Variants in CDC42SE2 observed in about 807,000 individuals in gnomAD.
The protein encoded by CDC42SE2 is CDC42 small effector protein 2.
In CDC42SE2, 3 loss-of-function variants were observed where a neutral mutation model predicts 11.5. The ratio of observed to expected loss-of-function variants is 0.26; its 90% CI spans 0.12 to 0.67. The LOEUF is 0.67. CDC42SE2 is among the 30% of genes least tolerant of loss of function. CDC42SE2 has a pLI of 0.80. For missense variants in CDC42SE2, 82 were observed against 106.8 expected, an observed-to-expected ratio of 0.77 and a Z score of 1.02; for synonymous variants, 33 against 34.8, an observed-to-expected ratio of 0.95 and a Z score of 0.18.
intron 1 of CDC42SE2, among the ~76,000 whole-genome samples, chr5:131,297,715 A>G (rs2149713782): frequency 6.6e-6 from 1 of 151,088 alleles, no homozygotes; most frequent in South Asian, 2.1e-4. Flanking sequence ...GCAAGACTCC[A>G]TTTCAAAAAT....
intron 1 of CDC42SE2, among the ~76,000 whole-genome samples, chr5:131,306,916 C>G (rs1339348026): frequency 6.6e-6 from 1 of 151,892 alleles, no homozygotes; most frequent in African/African-American, 2.4e-5. Flanking sequence ...TAAAGAAATG[C>G]TACTGATTTT....
At chr5:131,244,003 GA>G (rs1756559986), upstream of CDC42SE2, among the ~76,000 whole-genome samples, 1 of 152,130 alleles carries the variant, frequency 6.6e-6, no homozygotes, top group South Asian at 2.1e-4. Flanking sequence ...CAAAAGAATG[GA>G]AAAACTTTGA....
intron 2 of CDC42SE2, among the ~76,000 whole-genome samples, chr5:131,321,373 G>C (rs926950036): frequency 1.1e-4 from 17 of 152,122 alleles, no homozygotes; most frequent in African/African-American, 4.1e-4. Context: ...AAAAGTTACT[G>C]ATATTAGCTG....
At chr5:131,361,964 G>A (rs1377316780) in intron 3 of CDC42SE2, among the ~76,000 whole-genome samples, 1 of 152,142 alleles carries the variant, frequency 6.6e-6, no homozygotes, top group Non-Finnish European at 1.5e-5. Context: ...GGCTGTCTAT[G>A]TGTCTGCCTG....
At chr5:131,376,445 G>T (rs957542023) in intron 3 of CDC42SE2, among the ~76,000 whole-genome samples, 2 of 152,070 alleles carry the variant, frequency 1.3e-5, no homozygotes, top group Non-Finnish European at 2.9e-5. Flanking sequence ...TATCTTATAA[G>T]TACTCTTTAT....
chr5:131,221,615 A>C, the CDC42SE2 span, among the ~76,000 whole-genome samples: 3 of 152,306 alleles, frequency 2.0e-5, no homozygotes, highest in Admixed American at 6.5e-5. Flanking sequence ...AAACAAAACA[A>C]AATAAGTGGC....
chr5:131,297,655 G>A (rs1295211831), intron 1 of CDC42SE2, among the ~76,000 whole-genome samples: 1 of 152,060 alleles, frequency 6.6e-6, no homozygotes, highest in African/African-American at 2.4e-5. Context: ...GGGAGGCGGA[G>A]CTTGCAGTGA....
intron 1 of CDC42SE2, among the ~76,000 whole-genome samples, chr5:131,294,397 C>G (rs73249208): frequency 0.12 from 18,963 of 152,158 alleles, 2,765 homozygotes; most frequent in African/African-American, 0.35. Context: ...TTTCTGGGAT[C>G]AAATAAAACC....
rs1750777035 is a variant in CDC42SE2 at position 131,394,136 on chromosome 5, C to CATATCTCATTTTTAAAT, written c.*3046_*3062dup. On this transcript the variant is annotated 3_prime_UTR_variant, in exon 5 of 5. Transcript: ENST00000505065. ...AGAGGTCATTTGTTCCCCATAGCAG[C>CATATCTCATTTTTAAAT]ATATCTCATTTTTAAATTGAAGCGA... is the stretch of plus-strand genomic sequence containing the variant. 4.6e-5 allele frequency: 7 copies of CATATCTCATTTTTAAAT among 152,398 alleles called. No homozygotes were observed. Among genetic ancestry groups the CATATCTCATTTTTAAAT allele is most frequent in the Admixed American group, 4.6e-4 (7 of 15,296 alleles). 9.4% of individuals were successfully genotyped at this position (152,398 alleles called of 1,614,324 possible).
intron 1 of CDC42SE2, among the ~76,000 whole-genome samples, chr5:131,266,448 GCTTTTTTTTTT>G (rs1580720041): frequency 6.7e-6 from 1 of 148,300 alleles, no homozygotes; most frequent in African/African-American, 2.5e-5. Flanking sequence ...CCGGCTATTA[GCTTTTTTTTTT>G]CTTTTTTTTT....
At chr5:131,210,912 C>T in the CDC42SE2 span, among the ~76,000 whole-genome samples, 2 of 152,222 alleles carry the variant, frequency 1.3e-5, no homozygotes, top group African/African-American at 4.8e-5. Context: ...GATCTCAGCT[C>T]ACTGCAACCT....
At chr5:131,347,658 C>T (rs754495751) in intron 2 of CDC42SE2, among the ~76,000 whole-genome samples, 12 of 152,154 alleles carry the variant, frequency 7.9e-5, no homozygotes, top group Non-Finnish European at 1.3e-4. Flanking sequence ...ATGAGGTCAA[C>T]ATCATCCTGA....
Position 131,301,344 on chromosome 5 carries a change from A to T in CDC42SE2, c.-454-14632A>T, listed in dbSNP as rs575977415. 3.0e-4 allele frequency among the ~76,000 whole-genome samples: 45 copies of T among 152,324 alleles called. No homozygotes were observed. The South Asian group carries it at 9.1e-3, about 31-fold the overall frequency. ...AAAGGAGAATTATTGAATGTTCCCA[A>T]CACAAAGAAATGATAAATGTTTGAA... On this transcript the variant is annotated intron_variant, in intron 1 of 4. Transcript: ENST00000505065.
At chr5:131,250,619 A>G (rs956592874) in intron 1 of CDC42SE2, among the ~76,000 whole-genome samples, 22 of 152,218 alleles carry the variant, frequency 1.4e-4, no homozygotes, top group African/African-American at 5.1e-4. Flanking sequence ...TAGGTGGAGC[A>G]TAGGAGATTT....
In CDC42SE2 at chr5:131,374,561, C is replaced by T. The variant is rs888611008; in HGVS notation, c.55-10982C>T. Among the ~76,000 whole-genome samples, 22 of 143,180 alleles carry T rather than the reference C, an allele frequency of 1.5e-4. 1 individual carries two copies. Among genetic ancestry groups the T allele is most frequent in the Admixed American group, 8.4e-4 (12 of 14,352 alleles). The allele number at this position is 143,180 out of a possible 152,430, so 93.9% of individuals were successfully genotyped here. A position where few individuals can be genotyped will look rare whatever the true frequency, so the allele number is the denominator to read the frequency against. On this transcript the variant is annotated intron_variant, in intron 3 of 4. Coordinates refer to ENST00000505065, the MANE Select transcript of CDC42SE2 (RefSeq NM_001375635.1). ...AAAAAAAAAAAAAAAGTTAAGCAGA[C>T]ATTGTGTGTAAAATTTGTGACAGAA...
At chr5:131,311,163 G>T (rs1292995634) in intron 1 of CDC42SE2, among the ~76,000 whole-genome samples, 2 of 151,892 alleles carry the variant, frequency 1.3e-5, no homozygotes, top group Non-Finnish European at 2.9e-5. Flanking sequence ...CTCAGCATTT[G>T]CTTGTCTGTA....
chr5:131,309,858 T>C (rs1445478359), intron 1 of CDC42SE2, among the ~76,000 whole-genome samples: 1 of 152,158 alleles, frequency 6.6e-6, no homozygotes, highest in Admixed American at 6.5e-5. Context: ...TTAGTCTTGC[T>C]AGCGGTCTAT....
At chr5:131,342,052 T>TGCTC (rs1447320446) in intron 2 of CDC42SE2, among the ~76,000 whole-genome samples, 1 of 151,794 alleles carries the variant, frequency 6.6e-6, no homozygotes, top group Non-Finnish European at 1.5e-5. Flanking sequence ...GAGGCTGAGG[T>TGCTC]GGGCAGATCA....
At chr5:131,328,911 G>A (rs574681373) in intron 2 of CDC42SE2, among the ~76,000 whole-genome samples, 1 of 152,314 alleles carries the variant, frequency 6.6e-6, no homozygotes, top group South Asian at 2.1e-4. Context: ...ATTGGGATTT[G>A]TTTTTACACT....
Sources: allele counts gnomAD v4.1 joint callset (sites outside exome capture counted in the v4.1 genomes callset), GRCh38; gene constraint gnomAD v4.1.1; transcripts MANE v1.5; gene names NCBI Gene and HGNC (gene_info 2026-07-23, HGNC 2026-07-21).